The following PRKG1 variants were observed in gnomAD, a reference collection of about 807,000 sequenced individuals.
PRKG1 encodes the protein cGMP-dependent protein kinase 1.
PRKG1 carries 35 observed loss-of-function variants against 88.1 expected under a neutral mutation model. The observed-to-expected ratio is 0.40, with a 90% CI of 0.30 to 0.53. PRKG1 has a LOEUF of 0.53. Ranked by LOEUF, PRKG1 falls within the 20% of genes least tolerant of loss-of-function variation. The pLI is 0.59. For missense variants in PRKG1, 540 were observed against 839.8 expected, an observed-to-expected ratio of 0.64 and a Z score of 4.41; for synonymous variants, 303 against 292.5, an observed-to-expected ratio of 1.04 and a Z score of -0.37.
chr10:52,226,026 ATT>A (rs71680568), intron 9 of PRKG1, among the ~76,000 whole-genome samples: 3,422 of 134,312 alleles, frequency 0.025, 132 homozygotes, highest in African/African-American at 0.084. Context: ...ATGAGGGTTG[ATT>A]TTTTTTTTTT....
intron 2 of PRKG1, among the ~76,000 whole-genome samples, chr10:51,166,440 AT>A (rs1229254018): frequency 6.6e-6 from 1 of 152,146 alleles, no homozygotes; most frequent in Non-Finnish European, 1.5e-5. Context: ...TTAAATTTAA[AT>A]TTACAAGAAA....
At chr10:51,656,105 C>A (rs1840154472) in intron 3 of PRKG1, among the ~76,000 whole-genome samples, 1 of 152,140 alleles carries the variant, frequency 6.6e-6, no homozygotes, top group Non-Finnish European at 1.5e-5. Context: ...ATATTCACTT[C>A]AAAGCAAGTG....
chr10:51,988,667 T>A (rs1476132670), intron 5 of PRKG1, among the ~76,000 whole-genome samples: 1 of 152,126 alleles, frequency 6.6e-6, no homozygotes, highest in African/African-American at 2.4e-5. Context: ...TATCTATGCA[T>A]ATCCTTTATA....
chr10:51,296,338 C>T (rs956152005), intron 2 of PRKG1, among the ~76,000 whole-genome samples: 12 of 152,010 alleles, frequency 7.9e-5, no homozygotes, highest in South Asian at 2.1e-4. Context: ...CTTTTGATTA[C>T]GGACTGAAAT....
intron 3 of PRKG1, among the ~76,000 whole-genome samples, chr10:51,618,102 A>G (rs1022103722): frequency 4.6e-5 from 7 of 152,180 alleles, no homozygotes; most frequent in Admixed American, 2.6e-4. Context: ...GCGTCTGGCT[A>G]CAGCTGTTTT....
chr10:51,563,100 T>A (rs6480332), intron 3 of PRKG1, among the ~76,000 whole-genome samples: 82,866 of 151,938 alleles, frequency 0.55, 23,021 homozygotes, highest in East Asian at 0.89. Flanking sequence ...TTTAGATTCA[T>A]TCTTCAGAAA....
intron 2 of PRKG1, among the ~76,000 whole-genome samples, chr10:51,411,290 G>A (rs1158126173): frequency 3.3e-5 from 5 of 152,016 alleles, no homozygotes; most frequent in Non-Finnish European, 7.4e-5. Context: ...CCTGAGCCAC[G>A]GCAAGTGGCC....
At chr10:52,203,318 A>G (rs958925714) in intron 9 of PRKG1, among the ~76,000 whole-genome samples, 1 of 152,106 alleles carries the variant, frequency 6.6e-6, no homozygotes, top group African/African-American at 2.4e-5. Context: ...ATGTAATTGT[A>G]TGGTTTTAAG....
intron 5 of PRKG1, among the ~76,000 whole-genome samples, chr10:52,036,940 G>A (rs1211729310): frequency 6.6e-6 from 1 of 152,262 alleles, no homozygotes; most frequent in East Asian, 1.9e-4. Flanking sequence ...TTAAGAAGGG[G>A]ACGGGCTTAC....
intron 3 of PRKG1, among the ~76,000 whole-genome samples, chr10:51,704,156 A>T (rs888226481): frequency 6.7e-6 from 1 of 150,360 alleles, no homozygotes; most frequent in Non-Finnish European, 1.5e-5. Context: ...AAAAAAAAAA[A>T]AATTAAATAA....
chr10:51,668,134 G>T (rs1229036705), intron 3 of PRKG1, among the ~76,000 whole-genome samples: 1 of 152,166 alleles, frequency 6.6e-6, no homozygotes, highest in Non-Finnish European at 1.5e-5. Flanking sequence ...AGCTGGAGCT[G>T]AGAATCTGGC....
intron 1 of PRKG1, among the ~76,000 whole-genome samples, chr10:51,091,094 G>A (rs1172906024): frequency 6.6e-6 from 1 of 152,092 alleles, no homozygotes; most frequent in Non-Finnish European, 1.5e-5. Flanking sequence ...ATACATTAAT[G>A]GTCTTGGACA....
chr10:51,263,680 T>C (rs982538938), intron 2 of PRKG1, among the ~76,000 whole-genome samples: 1 of 152,202 alleles, frequency 6.6e-6, no homozygotes, highest in Non-Finnish European at 1.5e-5. Context: ...TAAAGTAGAT[T>C]GGTGGTTATT....
intron 3 of PRKG1, among the ~76,000 whole-genome samples, chr10:51,741,313 G>A (rs918715551): frequency 1.3e-5 from 2 of 152,042 alleles, no homozygotes; most frequent in African/African-American, 4.8e-5. Context: ...GTCTAGGAGT[G>A]CTACAGTTCA....
intron 3 of PRKG1, among the ~76,000 whole-genome samples, chr10:51,472,715 T>A (rs1429950230): frequency 1.3e-5 from 2 of 151,950 alleles, no homozygotes; most frequent in African/African-American, 2.4e-5. Flanking sequence ...ACACTGTCCA[T>A]CAGCACAAAC....
rs576689474 is a variant in PRKG1 at position 52,164,489 on chromosome 10, G to C, written c.1076+2526G>C. On this transcript the variant is annotated intron_variant, in intron 9 of 17. Coordinates refer to ENST00000373980, the MANE Select transcript of PRKG1 (RefSeq NM_006258.4). ...TCTATTATGTTGATCAATTTTACTT[G>C]GACAAGAAGTCTCTAATCTTATGTA... 3.6e-4 allele frequency among the ~76,000 whole-genome samples: 54 copies of C among 152,034 alleles called. No homozygotes were observed. In the South Asian group the frequency reaches 5.6e-3, roughly 16 times the overall value.
intron 9 of PRKG1, among the ~76,000 whole-genome samples, chr10:52,204,804 A>T (rs1839772066): frequency 6.6e-6 from 1 of 152,120 alleles, no homozygotes; most frequent in South Asian, 2.1e-4. Flanking sequence ...AACAATAGGA[A>T]ATCTGGGCAC....
chr10:51,378,352 T>C (rs1354702023), intron 2 of PRKG1, among the ~76,000 whole-genome samples: 6 of 152,148 alleles, frequency 3.9e-5, no homozygotes, highest in Admixed American at 3.9e-4. Context: ...ATAACACAGA[T>C]TGGAAATGGC....
At chr10:51,605,148 G>T (rs984687160) in intron 3 of PRKG1, among the ~76,000 whole-genome samples, 2 of 152,190 alleles carry the variant, frequency 1.3e-5, no homozygotes, top group East Asian at 3.9e-4. Context: ...GGTGGTGTCT[G>T]TTGGTGTCCG....
Sources: allele counts gnomAD v4.1 joint callset (sites outside exome capture counted in the v4.1 genomes callset), GRCh38; gene constraint gnomAD v4.1.1; transcripts MANE v1.5; gene names NCBI Gene and HGNC (gene_info 2026-07-23, HGNC 2026-07-21).